The following RAD17 variants were observed in gnomAD, a reference collection of about 807,000 sequenced individuals.
The protein encoded by RAD17 is RAD17 checkpoint clamp loader component, also known as cell cycle checkpoint protein RAD17.
A neutral mutation model predicts 81.5 loss-of-function variants in RAD17; 31 were observed. The observed-to-expected ratio is 0.38, with a 90% CI of 0.29 to 0.51. The LOEUF is 0.51. Among genes scored for constraint, RAD17 ranks in the 20% least tolerant of loss-of-function variants. RAD17 has a pLI of 0.88. For synonymous variants in RAD17, 261 were observed against 266.2 expected (o/e 0.98, Z 0.19); for missense variants, 681 against 781.2 (o/e 0.87, Z 1.53).
In RAD17 at chr5:69,386,245, A is replaced by G; in HGVS notation, c.764A>G (p.Asn255Ser). ...ATCTCGGACAGTCTCAGTGGAGATA[A>G]TAATCAAAGGTTATTGTTTCCCAAA... ...FIISDSLSGDNNQRLLFPKEI... is the reference protein window; with the variant it reads ...FIISDSLSGDSNQRLLFPKEI... Residue 255 changes from asparagine to serine, a missense_variant, in exon 10 of 19, where the codon AAT (asparagine) becomes AGT (serine). Transcript: ENST00000354868. 6.2e-7 allele frequency: 1 copy of G among 1,608,498 alleles called. No individual in the cohort carries two copies. The highest frequency in any genetic ancestry group is 8.5e-7 in the Non-Finnish European group (1 of 1,176,614).
intron 8 of RAD17, among the ~76,000 whole-genome samples, chr5:69,385,431 G>A (rs559967072): frequency 2.6e-5 from 4 of 151,648 alleles, no homozygotes; most frequent in Admixed American, 6.6e-5. Context: ...CCACCATGCC[G>A]GCCTAATTTT....
At chr5:69,376,762 C>CTTTT (rs78888225) in intron 6 of RAD17, among the ~76,000 whole-genome samples, 1 of 148,856 alleles carries the variant, frequency 6.7e-6, no homozygotes. Context: ...ATCCTTCTCT[C>CTTTT]TTTTTTTTTT....
chr5:69,406,032 A>G lies in RAD17; in HGVS notation c.1694-4461A>G, dbSNP rs1167909444. Among the ~76,000 whole-genome samples the G allele has an allele frequency of 4.7e-5, 5 of 107,212 alleles. No individual in the cohort carries two copies. In the East Asian group the frequency reaches 8.2e-4, roughly 18 times the overall value. The allele number at this position is 107,212 out of a possible 152,430, so 70.3% of individuals were successfully genotyped here. On this transcript the variant is annotated intron_variant, in intron 17 of 18. Coordinates refer to ENST00000354868, the MANE Select transcript of RAD17 (RefSeq NM_133338.3). ...ACTCCAGCCTAGGTGACAGAGCCAG[A>G]CTCCATCTCAAAAAAAAAAAAAAAA...
At position 69,374,605 on chromosome 5, in the gene RAD17, TAAATTTG is replaced by T. The variant is rs1763223538; in HGVS notation, c.268-16_268-10del. On this transcript the variant is annotated splice_polypyrimidine_tract_variant and intron_variant, in intron 5 of 18. Transcript: ENST00000354868. ...AATCTTCAGTTAAGAAGTTTTGTTT[TAAATTTG>T]AAATTTTTGTTGTAGCATGAACTTG... is the stretch of plus-strand genomic sequence containing the variant. 6.3e-7 allele frequency: 1 copy of T among 1,586,550 alleles called. No individual in the cohort carries two copies. The highest frequency in any genetic ancestry group is 8.6e-7 in the Non-Finnish European group (1 of 1,166,644).
At chr5:69,377,680 T>TGC (rs1441203268) in intron 6 of RAD17, among the ~76,000 whole-genome samples, 3 of 4,888 alleles carry the variant, frequency 6.1e-4, no homozygotes, top group Admixed American at 3.7e-3. Flanking sequence ...TATATATGCA[T>TGC]ATATATATAT....
chr5:69,369,640 C>G, upstream of RAD17: 1 of 1,564,112 alleles, frequency 6.4e-7, no homozygotes, highest in Non-Finnish European at 8.7e-7. Flanking sequence ...GCGGCCCAGC[C>G]GCGGCCCACT....
intron 17 of RAD17, among the ~76,000 whole-genome samples, chr5:69,405,826 A>T (rs1765566839): frequency 6.6e-6 from 1 of 152,238 alleles, no homozygotes; most frequent in South Asian, 2.1e-4. Flanking sequence ...GGATCACTTG[A>T]GGCCAGGAGT....
In RAD17 at chr5:69,414,458, A is replaced by G. The variant is rs1766254366; in HGVS notation, c.*166A>G. 6.2e-6 allele frequency: 5 copies of G among 801,858 alleles called. No individual in the cohort carries two copies. The African/African-American group carries it at 7.0e-5, about 11-fold the overall frequency. The allele number at this position is 801,858 out of a possible 1,614,324, so 49.7% of individuals were successfully genotyped here. ...GAAACCTACTCTTCTGTCATCTTGA[A>G]GTAAATAGAAGATCAAGCCTTCAAA... is the stretch of plus-strand genomic sequence containing the variant. On this transcript the variant is annotated 3_prime_UTR_variant, in exon 19 of 19. Transcript: ENST00000354868.
chr5:69,414,120 C>CAG lies in RAD17; in HGVS notation c.1844_1845dup (p.Glu616ArgfsTer20). The CAG allele has an allele frequency of 6.2e-7, 1 of 1,614,242 alleles. No homozygotes were observed. Among genetic ancestry groups the CAG allele is most frequent in the East Asian group, 2.2e-5 (1 of 44,886 alleles). ...GCCCAGCTTAATGGAGGACATTCTG[C>CAG]AGAGGAATCTCTGGGTGAACCCACT... On this transcript the variant is annotated frameshift_variant, in exon 19 of 19. Transcript: ENST00000354868. LOFTEE classifies it low-confidence loss of function (END_TRUNC).
At chr5:69,376,048 T>C (rs1159900446) in intron 6 of RAD17, among the ~76,000 whole-genome samples, 2 of 152,188 alleles carry the variant, frequency 1.3e-5, no homozygotes, top group African/African-American at 4.8e-5. Context: ...AAGTTGAACA[T>C]TTTTGCAAGA....
chr5:69,386,111 G>A lies in RAD17; in HGVS notation c.698+16G>A. 1 of 1,602,886 alleles carries A rather than the reference G, an allele frequency of 6.2e-7. No homozygotes were observed. The highest frequency in any genetic ancestry group is 8.5e-7 in the Non-Finnish European group (1 of 1,175,978). On this transcript the variant is annotated intron_variant, in intron 9 of 18. Coordinates refer to ENST00000354868, the MANE Select transcript of RAD17 (RefSeq NM_133338.3). Reference sequence around the variant, plus strand: ...AAGTTCTAAGGTAGGTTTCAGTGAAGTATTCTAAAACTCCAAATTAAATGA... The same window carrying A: ...AAGTTCTAAGGTAGGTTTCAGTGAAATATTCTAAAACTCCAAATTAAATGA...
In RAD17 at chr5:69,377,720, TA is replaced by T. The variant is rs1339962551; in HGVS notation, c.351+3010del. Among the ~76,000 whole-genome samples the T allele has an allele frequency of 2.0e-3, 162 of 82,616 alleles. 27 individuals are homozygous for T. The highest frequency in any genetic ancestry group is 3.2e-3 in the Non-Finnish European group (128 of 40,622). 54.2% of individuals were successfully genotyped at this position (82,616 alleles called of 152,430 possible). Reference sequence around the variant, plus strand: ...ACATATATATATGTATTGGGAAAAGTATTTTCTTTATGGTTTCAAAAGTTTT... The same window carrying T: ...ACATATATATATGTATTGGGAAAAGTTTTTCTTTATGGTTTCAAAAGTTTT... On this transcript the variant is annotated intron_variant, in intron 6 of 18. Coordinates refer to ENST00000354868, the MANE Select transcript of RAD17 (RefSeq NM_133338.3).
intron 17 of RAD17, among the ~76,000 whole-genome samples, chr5:69,405,978 G>T (rs1482457232): frequency 6.6e-6 from 1 of 151,470 alleles, no homozygotes; most frequent in Non-Finnish European, 1.5e-5. Flanking sequence ...GGAGGTAGAG[G>T]TTACTGTGAG....
chr5:69,399,018 A>T (rs12152790), intron 16 of RAD17, among the ~76,000 whole-genome samples: 22,637 of 151,938 alleles, frequency 0.15, 1,909 homozygotes, highest in Admixed American at 0.21. Flanking sequence ...ATAAAAAAAA[A>T]AATAATAAAA....
chr5:69,398,980 C>T (rs1326800265), intron 16 of RAD17, among the ~76,000 whole-genome samples: 1 of 150,548 alleles, frequency 6.6e-6, no homozygotes, highest in Non-Finnish European at 1.5e-5. Context: ...TGAGACCTGC[C>T]TGGGCAATAT....
chr5:69,409,174 C>T (rs1464252804), intron 17 of RAD17, among the ~76,000 whole-genome samples: 2 of 152,104 alleles, frequency 1.3e-5, no homozygotes, highest in Admixed American at 6.6e-5. Context: ...GGGTGGGTGC[C>T]CAGCTGCAGA....
intron 18 of RAD17, among the ~76,000 whole-genome samples, chr5:69,412,183 C>T (rs1766052122): frequency 6.6e-6 from 1 of 151,998 alleles, no homozygotes; most frequent in Non-Finnish European, 1.5e-5. Context: ...GTCTTGATCT[C>T]CTGACCTCGT....
chr5:69,398,314 A>G (rs558689026), intron 16 of RAD17, among the ~76,000 whole-genome samples: 2 of 152,302 alleles, frequency 1.3e-5, no homozygotes, highest in East Asian at 3.9e-4. Context: ...TAATCAAAGA[A>G]AGGAGAAGAA....
At chr5:69,410,739 T>C (rs1399192474) in intron 18 of RAD17, among the ~76,000 whole-genome samples, 189 bp downstream of exon 18, 1 of 151,876 alleles carries the variant, frequency 6.6e-6, no homozygotes, top group African/African-American at 2.4e-5. Flanking sequence ...CCACTCCCAA[T>C]GGACTATACC....
Sources: gnomAD v4.1 joint callset for allele counts (sites outside exome capture counted in the v4.1 genomes callset) on GRCh38, gnomAD v4.1.1 for gene constraint, MANE v1.5 for transcripts, NCBI Gene and HGNC (gene_info 2026-07-23, HGNC 2026-07-21) for gene names.